UNC5C: variants seen among roughly 807,000 people sequenced by gnomAD.
UNC5C encodes the protein netrin receptor UNC5C.
Under a neutral mutation model 99.8 loss-of-function variants are expected in UNC5C, and 47 were observed. The ratio of observed to expected loss-of-function variants is 0.47; its 90% confidence interval spans 0.37 to 0.60. UNC5C has a LOEUF of 0.60. UNC5C is among the 20% of genes least tolerant of loss of function. UNC5C has a pLI of 0.00. For missense variants in UNC5C, 1,062 were observed against 1,165.9 expected (o/e 0.91, Z 1.30); for synonymous variants, 487 against 452.2 (o/e 1.08, Z -0.98).
At chr4:95,173,005 G>T (rs1475074180) in intron 14 of UNC5C, among the ~76,000 whole-genome samples, 1 of 152,024 alleles carries the variant, frequency 6.6e-6, no homozygotes, top group Non-Finnish European at 1.5e-5. Flanking sequence ...TGAAGCAATT[G>T]TGAATGGGAG....
intron 14 of UNC5C, among the ~76,000 whole-genome samples, chr4:95,172,505 C>T (rs1736163654): frequency 6.6e-6 from 1 of 152,072 alleles, no homozygotes; most frequent in African/African-American, 2.4e-5. Flanking sequence ...GAATCATTTC[C>T]CCATTGCTTG....
intron 2 of UNC5C, among the ~76,000 whole-genome samples, chr4:95,304,486 A>G (rs1302733684): frequency 1.3e-5 from 2 of 151,760 alleles, no homozygotes; most frequent in Admixed American, 6.6e-5. Context: ...ATCTTATTGT[A>G]TTTTTTCACA....
intron 7 of UNC5C, among the ~76,000 whole-genome samples, chr4:95,242,046 T>G (rs2149378215): frequency 6.6e-6 from 1 of 152,274 alleles, no homozygotes; most frequent in Admixed American, 6.5e-5. Context: ...CCATGGACAT[T>G]TTCGTTAGGT....
Position 95,250,470 on chromosome 4 carries a change from C to G in UNC5C, c.775+17G>C. 1.9e-6 allele frequency: 3 copies of G among 1,609,900 alleles called. No homozygotes were observed. The highest frequency in any genetic ancestry group is 2.5e-6 in the Non-Finnish European group (3 of 1,178,186). On this transcript the variant is annotated intron_variant, in intron 5 of 15. Transcript: ENST00000453304. ...AGTTAAACATGAACTAGATTGAGAC[C>G]CTGAAGGGCCACTCACCATAGACTA...
intron 1 of UNC5C, among the ~76,000 whole-genome samples, chr4:95,479,560 G>A (rs1232882665): frequency 6.6e-6 from 1 of 151,876 alleles, no homozygotes; most frequent in African/African-American, 2.4e-5. Context: ...CAAAGGTTCT[G>A]AAACTGACAA....
rs1739364292 is a variant in UNC5C at position 95,242,542 on chromosome 4, C to T, written c.995G>A (p.Cys332Tyr). 1 of 1,609,894 alleles carries T rather than the reference C, an allele frequency of 6.2e-7. No homozygotes were observed. The highest frequency in any genetic ancestry group is 1.3e-5 in the African/African-American group (1 of 74,764). The change falls in exon 7 of 16, where the codon TGC (cysteine) becomes TAC (tyrosine). Residue 332 changes from cysteine (C) to tyrosine (Y), a missense_variant. Around this residue, in one of 3 missense-constraint regions of UNC5C, gnomAD observed 810 missense variants for 854.5 expected, o/e 0.95. Transcript: ENST00000453304. ...WSKWSTCGTECTHWRRRECTA... is the reference protein window; with the variant it reads ...WSKWSTCGTEYTHWRRRECTA... ...GCACTCCCTCCTGCGCCAGTGGGTG[C>T]ACTCAGTTCCACAAGTAGACCACTT...
chr4:95,335,067 A>T (rs2149420805), intron 2 of UNC5C, among the ~76,000 whole-genome samples: 1 of 152,124 alleles, frequency 6.6e-6, no homozygotes, highest in East Asian at 1.9e-4. Context: ...AGATCTCGGG[A>T]TATTTAGATC....
chr4:95,245,223 A>G, intron 5 of UNC5C, 79 bp from the exon 6 acceptor site: 1 of 1,393,430 alleles, frequency 7.2e-7, no homozygotes, highest in South Asian at 1.5e-5. Context: ...AACAGACACA[A>G]TATGTAAACA....
rs145492142 is a variant in UNC5C at position 95,191,751 on chromosome 4, G to T, written c.2137-6555C>A. On this transcript the variant is annotated intron_variant, in intron 12 of 15. Coordinates refer to ENST00000453304, the MANE Select transcript of UNC5C (RefSeq NM_003728.4). ...TCCTCCCTTTCTCACATCCTCCTCT[G>T]CTTACCCTCCTCCCCTGCTCACCTC... is the stretch of plus-strand genomic sequence containing the variant. Among the ~76,000 whole-genome samples, 44 of 123,010 alleles carry T rather than the reference G, an allele frequency of 3.6e-4. No individual in the cohort carries two copies. In the East Asian group the frequency reaches 1.0e-2, roughly 28 times the overall value. The allele number at this position is 123,010 out of a possible 152,430, so 80.7% of individuals were successfully genotyped here.
intron 1 of UNC5C, among the ~76,000 whole-genome samples, chr4:95,343,901 T>C (rs1203788853): frequency 6.6e-6 from 1 of 151,496 alleles, no homozygotes; most frequent in Non-Finnish European, 1.5e-5. Context: ...AAGAGACAAA[T>C]TAGAAAAGAA....
chr4:95,213,487 C>A (rs1001208516), intron 10 of UNC5C, among the ~76,000 whole-genome samples: 1 of 152,236 alleles, frequency 6.6e-6, no homozygotes. Context: ...CTTGTCCCAT[C>A]TCTGTGGCTC....
rs568435283 is a variant in UNC5C at position 95,163,120 on chromosome 4, G to A, written c.*6114C>T. ...GCATTATGTCTGGAGGGCGAGGGCTGCGCTACCAATGGCAGATCTAGGAAA... is the reference window on the plus strand; with the variant it reads ...GCATTATGTCTGGAGGGCGAGGGCTACGCTACCAATGGCAGATCTAGGAAA... On this transcript the variant is annotated 3_prime_UTR_variant, in exon 16 of 16. Transcript: ENST00000453304. 1.3e-5 allele frequency: 2 copies of A among 152,392 alleles called. No individual in the cohort carries two copies. Among genetic ancestry groups the A allele is most frequent in the East Asian group, 1.9e-4 (1 of 5,192 alleles). The allele number at this position is 152,392 out of a possible 1,614,324, so 9.4% of individuals were successfully genotyped here.
intron 14 of UNC5C, among the ~76,000 whole-genome samples, chr4:95,175,823 A>G (rs1736318730): frequency 6.6e-6 from 1 of 151,980 alleles, no homozygotes; most frequent in South Asian, 2.1e-4. Context: ...CTCCTGGATA[A>G]TATCCTGCAG....
intron 1 of UNC5C, among the ~76,000 whole-genome samples, chr4:95,356,226 A>AAAAAAAAAAAAAAAAAAAC (rs1371053400): frequency 2.1e-5 from 3 of 144,712 alleles, no homozygotes; most frequent in Admixed American, 7.1e-5. Flanking sequence ...AACAAAAAAA[A>AAAAAAAAAAAAAAAAAAAC]AACAGATTCC....
chr4:95,465,412 T>C (rs1747742460), intron 1 of UNC5C, among the ~76,000 whole-genome samples: 2 of 152,178 alleles, frequency 1.3e-5, no homozygotes, highest in Admixed American at 1.3e-4. Context: ...GGTTAGAATA[T>C]GTAGTCTCTA....
At chr4:95,247,272 A>T (rs1456151587) in intron 5 of UNC5C, among the ~76,000 whole-genome samples, 1 of 152,060 alleles carries the variant, frequency 6.6e-6, no homozygotes, top group Non-Finnish European at 1.5e-5. Context: ...TATGTTTTCT[A>T]TGGAGTTCTG....
chr4:95,516,458 T>C (rs759935488), intron 1 of UNC5C, among the ~76,000 whole-genome samples: 2 of 152,188 alleles, frequency 1.3e-5, no homozygotes, highest in Middle Eastern at 3.2e-3. Context: ...TCTCCAATTT[T>C]TGTGAAACTG....
At chr4:95,354,598 G>A (rs1350206037) in intron 1 of UNC5C, among the ~76,000 whole-genome samples, 7 of 150,956 alleles carry the variant, frequency 4.6e-5, no homozygotes, top group Non-Finnish European at 1.0e-4. Flanking sequence ...TCCCACCTCA[G>A]CCTTATTTGA....
At chr4:95,546,386 C>G (rs1225372712) in intron 1 of UNC5C, among the ~76,000 whole-genome samples, 5 of 152,170 alleles carry the variant, frequency 3.3e-5, no homozygotes, top group Non-Finnish European at 7.3e-5. Context: ...GGTTACTGTA[C>G]TGCAGTGATG....
Sources: gnomAD v4.1 joint callset for allele counts (sites outside exome capture counted in the v4.1 genomes callset) on GRCh38, gnomAD v4.1.1 for gene constraint, gnomAD v4.1.1 regional missense constraint, MANE v1.5 for transcripts, NCBI Gene and HGNC (gene_info 2026-07-23, HGNC 2026-07-21) for gene names.